Variants in SP140L observed in about 807,000 individuals in gnomAD.
The protein encoded by SP140L is nuclear body protein SP140-like protein.
A neutral mutation model predicts 84.3 loss-of-function variants in SP140L; 64 were observed. The ratio of observed to expected loss-of-function variants is 0.76; its 90% CI spans 0.62 to 0.94. The LOEUF (loss-of-function observed/expected upper bound fraction) is 0.94, where lower values mean the gene tolerates loss of function less well. Among genes scored for constraint, SP140L ranks in the 40% least tolerant of loss-of-function variants. The pLI is 0.00. For missense variants in SP140L, 628 were observed against 692.5 expected (o/e 0.91, Z 1.05); for synonymous variants, 242 against 236.9 (o/e 1.02, Z -0.20).
intron 16 of SP140L, 103 bp downstream of exon 16, chr2:230,401,166 C>T (rs532075821): frequency 8.5e-5 from 55 of 644,472 alleles, no homozygotes; most frequent in East Asian, 3.9e-4. Context: ...CCTGCTCTTC[C>T]GCGCCACACT....
At chr2:230,374,300 A>G (rs796969378) in intron 7 of SP140L, among the ~76,000 whole-genome samples, 8 of 148,860 alleles carry the variant, frequency 5.4e-5, no homozygotes, top group African/African-American at 2.0e-4. Flanking sequence ...TGGGCAATAG[A>G]GTAAGACTCC....
At chr2:230,366,724 A>T (rs893159677) in intron 5 of SP140L, among the ~76,000 whole-genome samples, 1 of 147,044 alleles carries the variant, frequency 6.8e-6, no homozygotes, top group Non-Finnish European at 1.5e-5. Context: ...TATTATTATT[A>T]TTATTATTAT....
At chr2:230,375,262 C>T (rs758805143) in intron 7 of SP140L, among the ~76,000 whole-genome samples, 6 of 152,054 alleles carry the variant, frequency 3.9e-5, no homozygotes, top group Non-Finnish European at 8.8e-5. Context: ...TTCCAATATA[C>T]ACAGATCTGT....
intron 8 of SP140L, 146 bp from the exon 9 acceptor site, chr2:230,385,078 A>G (rs1014182176): frequency 2.1e-5 from 14 of 663,344 alleles, no homozygotes; most frequent in South Asian, 1.3e-4. Context: ...TTAGAAGTCA[A>G]CACTCCCCAA....
chr2:230,390,397 G>A (rs117411132), intron 11 of SP140L, among the ~76,000 whole-genome samples: 1 of 152,274 alleles, frequency 6.6e-6, no homozygotes, highest in East Asian at 1.9e-4. Context: ...CTTGGCTTGG[G>A]TGATGATCAC....
At chr2:230,362,890 A>G (rs943243376) in intron 5 of SP140L, among the ~76,000 whole-genome samples, 1 of 152,058 alleles carries the variant, frequency 6.6e-6, no homozygotes, top group Non-Finnish European at 1.5e-5. Flanking sequence ...AGATACAGAA[A>G]AAAAAAAAAG....
chr2:230,383,593 A>G lies in SP140L; in HGVS notation c.703+18A>G. Reference sequence around the variant, plus strand: ...ACAAAATGGTAAGCAGGCAAAGTGAAGTAGTTACAGCTTTTGAGTTTATTA... The same window carrying G: ...ACAAAATGGTAAGCAGGCAAAGTGAGGTAGTTACAGCTTTTGAGTTTATTA... On this transcript the variant is annotated intron_variant, in intron 8 of 18. Coordinates refer to ENST00000415673, the MANE Select transcript of SP140L (RefSeq NM_138402.6). 6.3e-7 allele frequency: 1 copy of G among 1,592,670 alleles called. No individual in the cohort carries two copies. The highest frequency in any genetic ancestry group is 1.1e-5 in the South Asian group (1 of 87,178).
intron 8 of SP140L, among the ~76,000 whole-genome samples, chr2:230,384,414 G>T (rs186212634): frequency 5.5e-4 from 83 of 152,264 alleles, no homozygotes; most frequent in Admixed American, 9.8e-4. Context: ...CCTAGTCAAT[G>T]AAGGCTGTCT....
intron 9 of SP140L, among the ~76,000 whole-genome samples, chr2:230,387,769 C>T (rs1038882240): frequency 3.9e-5 from 6 of 152,172 alleles, no homozygotes; most frequent in Admixed American, 6.5e-5. Context: ...AGAACGTCGT[C>T]GGCTGCAGTG....
chr2:230,392,107 C>T lies in SP140L; in HGVS notation c.985C>T (p.Gln329Ter), dbSNP rs1376655066. The T allele has an allele frequency of 1.9e-6, 3 of 1,613,848 alleles. No homozygotes were observed. The highest frequency in any genetic ancestry group is 2.5e-6 in the Non-Finnish European group (3 of 1,179,882). ...TACAGGAACCTTGGCAAAGTGTATA[C>T]AGACTGAGGATGGAAAATGGTTCAC... The part of the protein sequence containing the change: ...LEQGTLAKCI[Q>*]TEDGKWFTPM... Residue 329 changes from glutamine (Q) to a stop codon, truncating the protein, a stop_gained, in exon 12 of 19, where the codon CAG becomes TAG. Coordinates refer to ENST00000415673, the MANE Select transcript of SP140L (RefSeq NM_138402.6). LOFTEE classifies it high-confidence loss of function.
chr2:230,370,809 T>C (rs577955952), intron 5 of SP140L, 99 bp from the exon 6 acceptor site: 30 of 1,155,190 alleles, frequency 2.6e-5, no homozygotes, highest in Admixed American at 3.9e-5. Context: ...AAGAGGGTTA[T>C]TGGGGCAAAT....
At chr2:230,385,686 G>A (rs1198408373) in intron 9 of SP140L, among the ~76,000 whole-genome samples, 4 of 152,106 alleles carry the variant, frequency 2.6e-5, no homozygotes, top group African/African-American at 7.2e-5. Context: ...AAGCCCTATC[G>A]CTTTCCTGTT....
intron 2 of SP140L, among the ~76,000 whole-genome samples, chr2:230,348,361 G>A (rs1019643232): frequency 3.9e-5 from 6 of 152,126 alleles, no homozygotes; most frequent in Non-Finnish European, 7.4e-5. Flanking sequence ...AATGTGTAAG[G>A]GTTCCAGTTT....
At chr2:230,341,850 C>T (rs1351977093) in intron 2 of SP140L, among the ~76,000 whole-genome samples, 1 of 152,054 alleles carries the variant, frequency 6.6e-6, no homozygotes, top group Admixed American at 6.5e-5. Context: ...TCTGCCCGTT[C>T]TCAGATCTCC....
At chr2:230,342,769 C>A (rs982656456) in intron 2 of SP140L, among the ~76,000 whole-genome samples, 3 of 152,090 alleles carry the variant, frequency 2.0e-5, no homozygotes, top group African/African-American at 7.2e-5. Context: ...GTTTTAAGTT[C>A]TGTCTCTTAT....
intron 5 of SP140L, among the ~76,000 whole-genome samples, chr2:230,367,295 C>CTTTTTTTTTTTT (rs200306286): frequency 1.4e-4 from 16 of 118,048 alleles, no homozygotes; most frequent in African/African-American, 2.0e-4. Flanking sequence ...TCTTTTTTTT[C>CTTTTTTTTTTTT]TTTTTTTTTT....
chr2:230,341,930 T>C (rs2060056934), intron 2 of SP140L: 2 of 152,356 alleles, frequency 1.3e-5, no homozygotes, highest in Admixed American at 1.3e-4. Flanking sequence ...CTGCAGAGGT[T>C]ACTGCTGTCT....
At chr2:230,394,790 A>G (rs72495176) in intron 13 of SP140L, among the ~76,000 whole-genome samples, 40,753 of 152,076 alleles carry the variant, frequency 0.27, 5,810 homozygotes, top group Non-Finnish European at 0.31. Context: ...TGTGCCTCTC[A>G]GAGCTTCTCT....
Position 230,400,767 on chromosome 2 carries a change from C to T in SP140L, c.1314-188C>T, listed in dbSNP as rs371495838. 1.5e-5 allele frequency: 20 copies of T among 1,353,464 alleles called. No homozygotes were observed. In the African/African-American group the frequency reaches 2.3e-4, roughly 16 times the overall value. 83.8% of individuals were successfully genotyped at this position (1,353,464 alleles called of 1,614,324 possible). A position where few individuals can be genotyped will look rare whatever the true frequency, so the allele number is the denominator to read the frequency against. On this transcript the variant is annotated intron_variant, in intron 15 of 18. Transcript: ENST00000415673. ...TCCTGAGGCTTCCCTCCTGCTGCTA[C>T]CACTGATGCGAGGGAAAGGCCAGTG...
Sources: allele counts gnomAD v4.1 joint callset (sites outside exome capture counted in the v4.1 genomes callset), GRCh38; gene constraint gnomAD v4.1.1; transcripts MANE v1.5; gene names NCBI Gene and HGNC (gene_info 2026-07-23, HGNC 2026-07-21).